RNLS: variants seen among roughly 807,000 people sequenced by gnomAD.
RNLS encodes renalase.
RNLS carries 39 observed loss-of-function variants against 39.8 expected under a neutral mutation model. That is an observed-to-expected ratio of 0.98 (90% CI 0.76 to 1.28). RNLS has a LOEUF of 1.28. Among genes scored for constraint, RNLS ranks in the 50% most tolerant of loss-of-function variants. RNLS has a pLI of 0.00. For missense variants in RNLS, 410 were observed against 413.3 expected, an observed-to-expected ratio of 0.99 and a Z score of 0.07; for synonymous variants, 147 against 150.7, an observed-to-expected ratio of 0.98 and a Z score of 0.18.
chr10:88,173,705 C>T, the RNLS span, among the ~76,000 whole-genome samples: 1 of 152,074 alleles, frequency 6.6e-6, no homozygotes. Context: ...TCCATCAAAG[C>T]CAATTTTAAA....
At chr10:88,537,218 T>C (rs970950414) in intron 4 of RNLS, among the ~76,000 whole-genome samples, 1 of 152,216 alleles carries the variant, frequency 6.6e-6, no homozygotes, top group Non-Finnish European at 1.5e-5. Flanking sequence ...TAAGCTTCTA[T>C]GCTTTAGAAA....
At chr10:88,236,228 A>G in the RNLS span, among the ~76,000 whole-genome samples, 1 of 152,198 alleles carries the variant, frequency 6.6e-6, no homozygotes, top group African/African-American at 2.4e-5. Context: ...AAAGAGGTGG[A>G]GGCTTTGGCA....
chr10:88,482,225 C>A (rs1844228982), intron 4 of RNLS, among the ~76,000 whole-genome samples: 1 of 152,142 alleles, frequency 6.6e-6, no homozygotes, highest in Non-Finnish European at 1.5e-5. Flanking sequence ...ATTACTTCAT[C>A]ACACTTTGTT....
intron 5 of RNLS, among the ~76,000 whole-genome samples, chr10:88,324,073 CAAA>C (rs1180182748): frequency 2.0e-5 from 3 of 152,066 alleles, no homozygotes; most frequent in Admixed American, 6.5e-5. Flanking sequence ...ATTAAAAAGT[CAAA>C]AAACAATAGA....
chr10:88,353,565 C>G (rs1012489276), intron 5 of RNLS, among the ~76,000 whole-genome samples: 2 of 152,048 alleles, frequency 1.3e-5, no homozygotes, highest in African/African-American at 2.4e-5. Flanking sequence ...ATTGCACTGT[C>G]GTCTCAGAGA....
Position 88,549,080 on chromosome 10 carries a change from C to G in RNLS, c.526+23823G>C, listed in dbSNP as rs151064884. The stretch of plus-strand genomic sequence containing the variant: ...TTGAATGCCTCAAGGACTATTGGGT[C>G]ACAGGAACAAGCTACAGCTTTTGTC... On this transcript the variant is annotated intron_variant, in intron 4 of 6. Coordinates refer to ENST00000331772, the MANE Select transcript of RNLS (RefSeq NM_001031709.3). Among the ~76,000 whole-genome samples the G allele has an allele frequency of 3.9e-5, 6 of 152,190 alleles. No individual in the cohort carries two copies. In the East Asian group the frequency reaches 1.2e-3, roughly 29 times the overall value.
chr10:88,550,224 T>C (rs546297425), intron 4 of RNLS, among the ~76,000 whole-genome samples: 14 of 152,306 alleles, frequency 9.2e-5, no homozygotes, highest in African/African-American at 2.4e-4. Flanking sequence ...ATTAAAGATA[T>C]TATAGTTTAC....
intron 4 of RNLS, among the ~76,000 whole-genome samples, chr10:88,513,764 T>C (rs535270601): frequency 1.2e-4 from 19 of 152,218 alleles, no homozygotes; most frequent in Middle Eastern, 3.4e-3. Context: ...TTCAGAGATA[T>C]TGCCAAATTT....
At chr10:88,381,906 T>TA (rs58250374) in intron 4 of RNLS, among the ~76,000 whole-genome samples, 136,721 of 152,012 alleles carry the variant, frequency 0.9, 61,623 homozygotes, top group Non-Finnish European at 0.92. Flanking sequence ...AAAATAACAA[T>TA]TTTTTGGTAC....
chr10:88,280,226 T>A (rs541327315), downstream of RNLS, among the ~76,000 whole-genome samples: 3 of 152,278 alleles, frequency 2.0e-5, no homozygotes, highest in African/African-American at 7.2e-5. Context: ...TCTTATGAGG[T>A]AGCTATCAAT....
chr10:88,325,007 A>T (rs1846485611), intron 5 of RNLS, among the ~76,000 whole-genome samples: 1 of 152,138 alleles, frequency 6.6e-6, no homozygotes, highest in South Asian at 2.1e-4. Flanking sequence ...ATGATATTCC[A>T]CCATATGTAT....
Position 88,387,124 on chromosome 10 carries a change from T to A in RNLS, c.527-24399A>T, listed in dbSNP as rs1034427587. Among the ~76,000 whole-genome samples, 6 of 152,098 alleles carry A rather than the reference T, an allele frequency of 3.9e-5. No individual in the cohort carries two copies. In the South Asian group the frequency reaches 1.0e-3, roughly 26 times the overall value. On this transcript the variant is annotated intron_variant, in intron 4 of 6. Coordinates refer to ENST00000331772, the MANE Select transcript of RNLS (RefSeq NM_001031709.3). Reference sequence around the variant, plus strand: ...GTCCTCTATTTCTCAAGGGAAAAAATATACAGTCAAACCTTGCTTATCCAT... The same window carrying A: ...GTCCTCTATTTCTCAAGGGAAAAAAAATACAGTCAAACCTTGCTTATCCAT...
the RNLS span, among the ~76,000 whole-genome samples, chr10:88,254,137 G>C: frequency 1.3e-5 from 2 of 152,122 alleles, no homozygotes; most frequent in South Asian, 4.1e-4. Context: ...TCTCATAGTA[G>C]TTTGAAGGCA....
chr10:88,448,716 C>T (rs1842189638), intron 4 of RNLS, among the ~76,000 whole-genome samples: 1 of 152,210 alleles, frequency 6.6e-6, no homozygotes, highest in Non-Finnish European at 1.5e-5. Context: ...TTTATTGAGG[C>T]ACTGTTCACA....
At chr10:88,538,558 T>G (rs1219602775) in intron 4 of RNLS, among the ~76,000 whole-genome samples, 2 of 152,154 alleles carry the variant, frequency 1.3e-5, no homozygotes, top group African/African-American at 4.8e-5. Context: ...CCTTAATTCC[T>G]AGTGATAATA....
the RNLS span, among the ~76,000 whole-genome samples, chr10:88,174,225 T>C: frequency 6.6e-6 from 1 of 152,160 alleles, no homozygotes; most frequent in Non-Finnish European, 1.5e-5. Flanking sequence ...CTTTTCCAAT[T>C]TGAATGCTCT....
At chr10:88,314,248 A>ATT (rs1845588448) in intron 6 of RNLS, among the ~76,000 whole-genome samples, 2 of 152,066 alleles carry the variant, frequency 1.3e-5, no homozygotes, top group Non-Finnish European at 2.9e-5. Context: ...GAATTTGAAG[A>ATT]CAACATTGGT....
chr10:88,259,491 G>A, the RNLS span: 5 of 152,282 alleles, frequency 3.3e-5, no homozygotes, highest in Non-Finnish European at 4.4e-5. Flanking sequence ...ACTTGGAAAC[G>A]GTTTAAATGT....
chr10:88,285,467 G>C lies in RNLS; in HGVS notation c.916C>G (p.Leu306Val). The change falls in exon 7 of 7, where the codon CTG (leucine) becomes GTG (valine). Residue 306 changes from leucine to valine, a missense_variant. Transcript: ENST00000331772. The stretch of plus-strand genomic sequence containing the variant: ...CATGCAAGGAAAGGTTTGTGATGCA[G>C]AGTCATTTGGCCAGGACAGTTGGCA... Reference protein sequence around the residue: ...AAANCPGQMTLHHKPFLACGG... With the variant: ...AAANCPGQMTVHHKPFLACGG... 1.2e-6 allele frequency: 2 copies of C among 1,613,074 alleles called. No homozygotes were observed. Among genetic ancestry groups the C allele is most frequent in the East Asian group, 2.2e-5 (1 of 44,804 alleles).
Sources: gnomAD v4.1 joint callset for allele counts (sites outside exome capture counted in the v4.1 genomes callset) on GRCh38, gnomAD v4.1.1 for gene constraint, MANE v1.5 for transcripts, NCBI Gene and HGNC (gene_info 2026-07-23, HGNC 2026-07-21) for gene names.